SHISA9: variants seen among roughly 807,000 people sequenced by gnomAD.
SHISA9 encodes shisa family member 9, also known as protein shisa-9.
Under a neutral mutation model 38.0 loss-of-function variants are expected in SHISA9, and 13 were observed. The ratio of observed to expected loss-of-function variants is 0.34; its 90% CI spans 0.22 to 0.54. SHISA9 has a LOEUF of 0.54. SHISA9 is among the 20% of genes least tolerant of loss of function. The probability of loss-of-function intolerance (pLI) is 0.91; values close to 1 mark genes in which losing one functional copy is unlikely to be tolerated. For missense variants in SHISA9, 538 were observed against 575.8 expected (o/e 0.93, Z 0.67); for synonymous variants, 275 against 242.0 (o/e 1.14, Z -1.27).
chr16:12,973,837 A>G (rs1438754341), intron 2 of SHISA9, among the ~76,000 whole-genome samples: 1 of 152,150 alleles, frequency 6.6e-6, no homozygotes, highest in African/African-American at 2.4e-5. Flanking sequence ...TTTTGCCACT[A>G]ATTGTCTGTA....
chr16:13,040,712 G>A (rs1299984250), intron 2 of SHISA9, among the ~76,000 whole-genome samples: 1 of 152,158 alleles, frequency 6.6e-6, no homozygotes, highest in African/African-American at 2.4e-5. Context: ...GAAAAATATT[G>A]AAGAGTCATT....
At chr16:13,457,306 A>AAAC in the SHISA9 span, among the ~76,000 whole-genome samples, 1 of 151,214 alleles carries the variant, frequency 6.6e-6, no homozygotes, top group Non-Finnish European at 1.5e-5. Flanking sequence ...AACTCTATCA[A>AAAC]AAACAAACAA....
At chr16:13,064,736 C>A in intron 2 of SHISA9, among the ~76,000 whole-genome samples, 1 of 136,796 alleles carries the variant, frequency 7.3e-6, no homozygotes, top group African/African-American at 2.7e-5. Flanking sequence ...CTACAATGAA[C>A]ATGTATTACC....
chr16:13,035,303 T>C (rs1310877290), intron 2 of SHISA9, among the ~76,000 whole-genome samples: 2 of 152,252 alleles, frequency 1.3e-5, no homozygotes, highest in East Asian at 3.9e-4. Context: ...ATGATGGAGA[T>C]TAAATGACTC....
intron 2 of SHISA9, among the ~76,000 whole-genome samples, chr16:13,077,258 C>T (rs1459534861): frequency 2.7e-5 from 4 of 149,924 alleles, no homozygotes; most frequent in Admixed American, 2.7e-4. Flanking sequence ...TTTTTTTTAA[C>T]CTTCTGAATT....
At chr16:13,151,234 G>A (rs569140176) in intron 2 of SHISA9, among the ~76,000 whole-genome samples, 1 of 152,252 alleles carries the variant, frequency 6.6e-6, no homozygotes, top group South Asian at 2.1e-4. Flanking sequence ...AGCCTCCTGA[G>A]GAGCTGGGAT....
At chr16:13,033,777 G>T (rs8050505) in intron 2 of SHISA9, among the ~76,000 whole-genome samples, 91,362 of 152,050 alleles carry the variant, frequency 0.6, 28,439 homozygotes, top group Middle Eastern at 0.75. Flanking sequence ...TGCTCCAATA[G>T]GCCTCCATTA....
the SHISA9 span, among the ~76,000 whole-genome samples, chr16:13,376,049 G>T: frequency 6.6e-6 from 1 of 152,180 alleles, no homozygotes; most frequent in Non-Finnish European, 1.5e-5. Context: ...CAGGTACCCA[G>T]GTGATGGAAG....
chr16:13,073,191 G>C (rs923893077), intron 2 of SHISA9, among the ~76,000 whole-genome samples: 4 of 150,644 alleles, frequency 2.7e-5, no homozygotes, highest in African/African-American at 9.8e-5. Flanking sequence ...GTCTGGCTAA[G>C]CCCAACTCTC....
chr16:12,998,450 C>T (rs910184656), intron 2 of SHISA9, among the ~76,000 whole-genome samples: 4 of 152,240 alleles, frequency 2.6e-5, no homozygotes, highest in African/African-American at 9.6e-5. Flanking sequence ...TAAAGGTTCA[C>T]AGACTTTCTT....
chr16:12,908,176 C>G (rs2071128897), intron 1 of SHISA9, among the ~76,000 whole-genome samples: 1 of 151,926 alleles, frequency 6.6e-6, no homozygotes, highest in Admixed American at 6.6e-5. Flanking sequence ...CATTTTTTAC[C>G]TCTTGTCTAC....
the SHISA9 span, among the ~76,000 whole-genome samples, chr16:13,288,707 C>T: frequency 6.6e-6 from 1 of 152,056 alleles, no homozygotes; most frequent in East Asian, 1.9e-4. Flanking sequence ...GGCAGAATAG[C>T]TTGAACCCAG....
At chr16:13,266,266 T>C in the SHISA9 span, among the ~76,000 whole-genome samples, 4 of 152,218 alleles carry the variant, frequency 2.6e-5, no homozygotes, top group African/African-American at 9.6e-5. Context: ...ATGCTGTATT[T>C]CTAAATATGC....
At chr16:13,233,213 C>G (rs775646257) in intron 4 of SHISA9, among the ~76,000 whole-genome samples, 4 of 150,422 alleles carry the variant, frequency 2.7e-5, no homozygotes, top group Non-Finnish European at 4.4e-5. Context: ...GAAATCTGGG[C>G]AAGATAAGAA....
chr16:13,007,515 C>T (rs1431549943), intron 2 of SHISA9, among the ~76,000 whole-genome samples: 1 of 152,208 alleles, frequency 6.6e-6, no homozygotes, highest in African/African-American at 2.4e-5. Context: ...CTCTCCCCTG[C>T]AGCCAGAGGA....
At chr16:13,252,177 G>T in the SHISA9 span, among the ~76,000 whole-genome samples, 2 of 152,104 alleles carry the variant, frequency 1.3e-5, no homozygotes, top group Non-Finnish European at 2.9e-5. Flanking sequence ...CCTTCCTGTT[G>T]TACTACTCAC....
chr16:13,445,348 G>T, the SHISA9 span, among the ~76,000 whole-genome samples: 10 of 152,196 alleles, frequency 6.6e-5, no homozygotes, highest in African/African-American at 2.4e-4. Flanking sequence ...AGTTAAATTT[G>T]AATGAATTTA....
chr16:13,320,522 A>G, the SHISA9 span, among the ~76,000 whole-genome samples: 1 of 152,134 alleles, frequency 6.6e-6, no homozygotes, highest in Non-Finnish European at 1.5e-5. Context: ...TCAGCACTGT[A>G]CCAAGAGCCA....
the SHISA9 span, among the ~76,000 whole-genome samples, chr16:13,381,060 A>G: frequency 3.9e-5 from 6 of 152,084 alleles, no homozygotes; most frequent in Admixed American, 3.3e-4. Flanking sequence ...TTCTTAATGC[A>G]GTCTATCATT....
Sources: allele counts gnomAD v4.1 joint callset (sites outside exome capture counted in the v4.1 genomes callset), GRCh38; gene constraint gnomAD v4.1.1; transcripts MANE v1.5; gene names NCBI Gene and HGNC (gene_info 2026-07-23, HGNC 2026-07-21).